Variants in COL6A5 observed in about 807,000 individuals in gnomAD.
COL6A5 encodes collagen type VI alpha 5 chain, also known as collagen alpha-5(VI) chain.
Under a neutral mutation model 65.6 loss-of-function variants are expected in COL6A5, and 48 were observed. The ratio of observed to expected loss-of-function variants is 0.73; its 90% CI spans 0.58 to 0.93. The LOEUF (loss-of-function observed/expected upper bound fraction) is 0.93. COL6A5 is among the 40% of genes least tolerant of loss of function. COL6A5 has a pLI of 0.00. For synonymous variants in COL6A5, 291 were observed against 322.8 expected (o/e 0.90, Z 1.05); for missense variants, 914 against 928.3 (o/e 0.98, Z 0.20).
At chr3:130,359,077 T>A (rs1935020338) in intron 1 of COL6A5, among the ~76,000 whole-genome samples, 1 of 152,184 alleles carries the variant, frequency 6.6e-6, no homozygotes, top group South Asian at 2.1e-4. Context: ...TCAACTAGTG[T>A]GGTCAATCCA....
intron 7 of COL6A5, among the ~76,000 whole-genome samples, chr3:130,483,111 A>G (rs557611223): frequency 1.3e-5 from 2 of 152,310 alleles, no homozygotes; most frequent in Admixed American, 1.3e-4. Flanking sequence ...CCTGAATTTC[A>G]TATCTAGCCA....
At chr3:130,395,094 C>G in exon 8 of COL6A5, 1 of 1,551,556 alleles carries the variant, frequency 6.4e-7, no homozygotes, top group Non-Finnish European at 8.7e-7. Flanking sequence ...CTGACTAAAA[C>G]CCAGTGGAAG....
At chr3:130,415,584 A>G in intron 22 of COL6A5, 61 bp from the exon 23 acceptor site, 1 of 1,454,494 alleles carries the variant, frequency 6.9e-7, no homozygotes, top group Admixed American at 2.1e-5. Flanking sequence ...TTCAAAAGAA[A>G]CACTGAGAAG....
chr3:130,364,156 A>G (rs1259886441), intron 1 of COL6A5, among the ~76,000 whole-genome samples: 3 of 152,200 alleles, frequency 2.0e-5, no homozygotes, highest in Non-Finnish European at 4.4e-5. Context: ...GAAGCCACAT[A>G]TTATATTTGT....
chr3:130,353,838 A>G (rs1355044127), intron 1 of COL6A5, among the ~76,000 whole-genome samples: 1 of 152,044 alleles, frequency 6.6e-6, no homozygotes. Context: ...TTGGAGGAAT[A>G]GAAGAAAACC....
chr3:130,387,196 C>A (rs1431152764), intron 5 of COL6A5, among the ~76,000 whole-genome samples: 1 of 152,002 alleles, frequency 6.6e-6, no homozygotes, highest in East Asian at 1.9e-4. Flanking sequence ...CCAGAAGTGG[C>A]CAGATCACTT....
At chr3:130,440,932 G>C in intron 3 of COL6A5, 107 bp downstream of exon 35, 1 of 833,282 alleles carries the variant, frequency 1.2e-6, no homozygotes, top group Non-Finnish European at 1.9e-6. Context: ...CATAATTTAT[G>C]AATTAGATGG....
intron 1 of COL6A5, among the ~76,000 whole-genome samples, chr3:130,370,424 G>A (rs1935511136): frequency 6.6e-6 from 1 of 152,122 alleles, no homozygotes; most frequent in African/African-American, 2.4e-5. Flanking sequence ...TGGAAGAGGG[G>A]ATTGGGAGTG....
rs1272498345 is a variant in COL6A5, at chr3:130,439,632, G to T, written c.581+17G>T. 1.3e-6 allele frequency: 2 copies of T among 1,527,220 alleles called. No individual in the cohort carries two copies. The highest frequency in any genetic ancestry group is 2.4e-5 in the South Asian group (2 of 83,506). 94.6% of individuals were successfully genotyped at this position (1,527,220 alleles called of 1,614,324 possible). A position where few individuals can be genotyped will look rare whatever the true frequency, so the allele number is the denominator to read the frequency against. Reference sequence around the variant, plus strand: ...TTTGCTATGGTAAGACCAATGAAGAGAATTGACTGTGCTGAAGAGCTTAAA... The same window carrying T: ...TTTGCTATGGTAAGACCAATGAAGATAATTGACTGTGCTGAAGAGCTTAAA... On this transcript the variant is annotated intron_variant, in intron 2 of 7. Transcript: ENST00000512836.
chr3:130,445,248 T>C (rs1247377269), intron 4 of COL6A5, among the ~76,000 whole-genome samples: 1 of 152,240 alleles, frequency 6.6e-6, no homozygotes, highest in Admixed American at 6.5e-5. Context: ...ACTGTAACAC[T>C]TCATTAATTA....
At chr3:130,478,505 G>T (rs910648141) in intron 7 of COL6A5, among the ~76,000 whole-genome samples, 1 of 152,002 alleles carries the variant, frequency 6.6e-6, no homozygotes, top group Non-Finnish European at 1.5e-5. Flanking sequence ...GTCTTAAAAG[G>T]CTCCATCTAC....
At chr3:130,399,488 A>G (rs1283831730) in intron 10 of COL6A5, among the ~76,000 whole-genome samples, 1 of 150,146 alleles carries the variant, frequency 6.7e-6, no homozygotes, top group Non-Finnish European at 1.5e-5. Flanking sequence ...CTCCTGCTTC[A>G]GCCTCTGGAG....
At chr3:130,457,109 G>T (rs1182187468) in intron 5 of COL6A5, among the ~76,000 whole-genome samples, 1 of 151,968 alleles carries the variant, frequency 6.6e-6, no homozygotes, top group African/African-American at 2.4e-5. Context: ...GAAGAAAATT[G>T]AAGATTTGTA....
intron 13 of COL6A5, among the ~76,000 whole-genome samples, chr3:130,405,348 C>T (rs770568341): frequency 1.2e-4 from 19 of 152,116 alleles, no homozygotes; most frequent in Non-Finnish European, 2.6e-4. Flanking sequence ...CTTCTTGCAC[C>T]TTTTTGTGAT....
At chr3:130,379,786 A>G (rs1935927074) in exon 4 of COL6A5, 1 of 1,551,410 alleles carries the variant, frequency 6.4e-7, no homozygotes, top group Non-Finnish European at 8.7e-7. Context: ...AGTTCTGGTC[A>G]CCCACAGACC....
intron 4 of COL6A5, among the ~76,000 whole-genome samples, chr3:130,383,470 A>G (rs534094653): frequency 6.6e-6 from 1 of 152,118 alleles, no homozygotes; most frequent in South Asian, 2.1e-4. Flanking sequence ...TCTTTATTAG[A>G]TATATAAATT....
At chr3:130,471,781 T>C (rs1447243374) in intron 7 of COL6A5, 7 of 1,534,868 alleles carry the variant, frequency 4.6e-6, no homozygotes, top group Non-Finnish European at 6.1e-6. Flanking sequence ...GGAACAATCA[T>C]AGTAGTGGTT....
At chr3:130,474,086 C>A (rs1306561517) in intron 7 of COL6A5, among the ~76,000 whole-genome samples, 4 of 151,992 alleles carry the variant, frequency 2.6e-5, no homozygotes, top group Non-Finnish European at 4.4e-5. Flanking sequence ...GCCAGAGAAA[C>A]TGGAAAAGAA....
exon 4 of COL6A5, chr3:130,379,506 GCATCTT>G: frequency 6.4e-7 from 1 of 1,551,100 alleles, no homozygotes; most frequent in Non-Finnish European, 8.7e-7. Flanking sequence ...GAAATTTAAG[GCATCTT>G]CAGACCTTCC....
Sources: allele counts gnomAD v4.1 joint callset (sites outside exome capture counted in the v4.1 genomes callset), GRCh38; gene constraint gnomAD v4.1.1; transcripts MANE v1.5; gene names NCBI Gene and HGNC (gene_info 2026-07-23, HGNC 2026-07-21).